ARRDC5: variants seen among roughly 807,000 people sequenced by gnomAD.
The protein encoded by ARRDC5 is arrestin domain containing 5.
In ARRDC5, 12 loss-of-function variants were observed where a neutral mutation model predicts 13.3. That is an observed-to-expected ratio of 0.90 (90% CI 0.58 to 1.46). The LOEUF is 1.46. Among genes scored for constraint, ARRDC5 ranks in the 40% most tolerant of loss-of-function variants. The pLI is 0.00. For synonymous variants in ARRDC5, 181 were observed against 173.4 expected, an observed-to-expected ratio of 1.04 and a Z score of -0.34; for missense variants, 406 against 418.7, an observed-to-expected ratio of 0.97 and a Z score of 0.26.
chr19:4,896,020 T>TA (rs1194496187), intron 2 of ARRDC5, among the ~76,000 whole-genome samples: 2 of 152,028 alleles, frequency 1.3e-5, no homozygotes, highest in East Asian at 1.9e-4. Context: ...GTTTCTTTTC[T>TA]AAAAAAAATG....
intron 2 of ARRDC5, among the ~76,000 whole-genome samples, chr19:4,896,373 C>T (rs1312006951): frequency 8.7e-6 from 1 of 114,444 alleles, no homozygotes; most frequent in African/African-American, 3.2e-5. Flanking sequence ...CACACACACA[C>T]ACACACACAC....
rs1568396539 is a variant in ARRDC5, at chr19:4,896,845, A to AAAG, written c.282_284dup (p.Phe95dup). 4 of 1,613,888 alleles carry AAAG rather than the reference A, an allele frequency of 2.5e-6. No individual in the cohort carries two copies. The South Asian group carries it at 4.4e-5, about 18-fold the overall frequency. On this transcript the variant is annotated inframe_insertion, in exon 2 of 3. Coordinates refer to ENST00000650722, the MANE Select transcript of ARRDC5 (RefSeq NM_001080523.3). ...TGGGAGGTAAGTTGAAATGGAAGTC[A>AAAG]AAGGTGTGGCTGCCTGCACTTAACC...
chr19:4,899,723 A>C (rs2031850574), intron 1 of ARRDC5, among the ~76,000 whole-genome samples: 1 of 141,402 alleles, frequency 7.1e-6, no homozygotes, highest in African/African-American at 2.7e-5. Context: ...AGGTCAGGAG[A>C]TCGAGACCAT....
chr19:4,915,201 T>C, the ARRDC5 span, among the ~76,000 whole-genome samples: 1 of 152,246 alleles, frequency 6.6e-6, no homozygotes, highest in Non-Finnish European at 1.5e-5. Flanking sequence ...GTGTCCCCAC[T>C]GGACGGCCCC....
the ARRDC5 span, among the ~76,000 whole-genome samples, chr19:4,914,494 C>G: frequency 6.6e-6 from 1 of 151,904 alleles, no homozygotes; most frequent in African/African-American, 2.4e-5. Flanking sequence ...GGGTCTGTCT[C>G]GGAATATGGA....
At chr19:4,895,265 A>C (rs1462193278) in intron 2 of ARRDC5, among the ~76,000 whole-genome samples, 1 of 151,804 alleles carries the variant, frequency 6.6e-6, no homozygotes, top group Non-Finnish European at 1.5e-5. Context: ...TTACTAAAAA[A>C]TACAAAAATT....
chr19:4,915,849 A>G, the ARRDC5 span, among the ~76,000 whole-genome samples: 1 of 152,194 alleles, frequency 6.6e-6, no homozygotes, highest in African/African-American at 2.4e-5. Context: ...GGCTAGGAAG[A>G]ATGCTGCTGT....
At chr19:4,905,541 G>A (rs1356760508), upstream of ARRDC5, among the ~76,000 whole-genome samples, 4 of 150,086 alleles carry the variant, frequency 2.7e-5, no homozygotes, top group Non-Finnish European at 4.4e-5. Flanking sequence ...TTTTGAGATG[G>A]AGTTTTGCTC....
In ARRDC5 at chr19:4,890,836, G is replaced by T; in HGVS notation, c.*210C>A. On this transcript the variant is annotated 3_prime_UTR_variant, in exon 3 of 3. Transcript: ENST00000650722. Reference sequence around the variant, plus strand: ...CAGGTTATGCCGGGTTTGGGTCCTGGGAGACCTTCCCGGTTTCCTTTGTCC... The same window carrying T: ...CAGGTTATGCCGGGTTTGGGTCCTGTGAGACCTTCCCGGTTTCCTTTGTCC... 1 of 548,486 alleles carries T rather than the reference G, an allele frequency of 1.8e-6. No homozygotes were observed. The highest frequency in any genetic ancestry group is 3.2e-6 in the Non-Finnish European group (1 of 311,270). 34.0% of individuals were successfully genotyped at this position (548,486 alleles called of 1,614,324 possible).
intron 2 of ARRDC5, among the ~76,000 whole-genome samples, chr19:4,893,726 CAAAAAAAAAAAA>C (rs61307077): frequency 5.3e-5 from 3 of 56,928 alleles, no homozygotes; most frequent in African/African-American, 2.3e-4. Context: ...ACCCTGTCTC[CAAAAAAAAAAAA>C]AAAAAAAAAA....
rs752849697 is a variant in ARRDC5 at position 4,902,679 on chromosome 19, G to A, written c.147C>T (p.Tyr49=). Reference sequence around the variant, plus strand: ...CCCCGGCTTCTTCACTCCATTCGACGTAACCCCTTCCCACGAGCTCCACCT... The same window carrying A: ...CCCCGGCTTCTTCACTCCATTCGACATAACCCCTTCCCACGAGCTCCACCT... ...IVKVELVGRG[Y]VEWSEEAGAS... The change falls in exon 1 of 3, where the codon TAC becomes TAT. Residue 49 remains tyrosine, a synonymous_variant. Coordinates refer to ENST00000650722, the MANE Select transcript of ARRDC5 (RefSeq NM_001080523.3). 15 of 1,613,822 alleles carry A rather than the reference G, an allele frequency of 9.3e-6. No homozygotes were observed. The Admixed American group carries it at 1.0e-4, about 11-fold the overall frequency.
the ARRDC5 span, among the ~76,000 whole-genome samples, chr19:4,908,001 C>T: frequency 1.1e-4 from 16 of 152,224 alleles, no homozygotes; most frequent in East Asian, 2.5e-3. Context: ...TGTGAGCCAA[C>T]GCGCCCGGCC....
At chr19:4,914,030 G>T in the ARRDC5 span, among the ~76,000 whole-genome samples, 1 of 151,814 alleles carries the variant, frequency 6.6e-6, no homozygotes, top group Non-Finnish European at 1.5e-5. Flanking sequence ...GGTCAGGCTG[G>T]TCTCGAACTC....
chr19:4,902,492 G>T, intron 1 of ARRDC5, 81 bp downstream of exon 1: 1 of 1,371,736 alleles, frequency 7.3e-7, no homozygotes, highest in Non-Finnish European at 1.0e-6. Flanking sequence ...CTAGAGTTTT[G>T]TTGATTGACT....
intron 1 of ARRDC5, among the ~76,000 whole-genome samples, chr19:4,898,890 T>G (rs909872761): frequency 1.3e-5 from 2 of 151,650 alleles, no homozygotes; most frequent in African/African-American, 2.4e-5. Context: ...CCTCCCAAAG[T>G]GCTGGGACTA....
the ARRDC5 span, chr19:4,910,853 G>GT: frequency 6.3e-7 from 1 of 1,583,566 alleles, no homozygotes; most frequent in Admixed American, 1.7e-5. Context: ...ACTGATGGGG[G>GT]TTTTTGCTGT....
intron 1 of ARRDC5, among the ~76,000 whole-genome samples, chr19:4,901,917 C>T (rs535192800): frequency 3.3e-5 from 5 of 152,136 alleles, no homozygotes; most frequent in East Asian, 1.9e-4. Context: ...GAGGGAATCT[C>T]GCTCCGTCAC....
chr19:4,908,843 G>A, the ARRDC5 span, among the ~76,000 whole-genome samples: 4 of 152,172 alleles, frequency 2.6e-5, no homozygotes, highest in Non-Finnish European at 5.9e-5. Context: ...CAACCTGTCC[G>A]GCTGCTTTGT....
chr19:4,915,688 C>T, the ARRDC5 span, among the ~76,000 whole-genome samples: 1 of 151,664 alleles, frequency 6.6e-6, no homozygotes, highest in Non-Finnish European at 1.5e-5. Context: ...CCAGCCTGGG[C>T]GACAGAGCAA....
Sources: gnomAD v4.1 joint callset for allele counts (sites outside exome capture counted in the v4.1 genomes callset) on GRCh38, gnomAD v4.1.1 for gene constraint, MANE v1.5 for transcripts, NCBI Gene and HGNC (gene_info 2026-07-23, HGNC 2026-07-21) for gene names.